Variants in DNASE1 observed in about 807,000 individuals in gnomAD.
The protein encoded by DNASE1 is deoxyribonuclease-1.
Under a neutral mutation model 33.9 loss-of-function variants are expected in DNASE1, and 40 were observed. The ratio of observed to expected loss-of-function variants is 1.18; its 90% CI spans 0.92 to 1.54. The LOEUF (loss-of-function observed/expected upper bound fraction) is 1.54, where lower values mean the gene tolerates loss of function less well. Ranked by LOEUF, DNASE1 falls within the 40% of genes most tolerant of loss-of-function variation. DNASE1 has a pLI of 0.00. For missense variants in DNASE1, 518 were observed against 372.6 expected (o/e 1.39, Z -3.21); for synonymous variants, 216 against 160.0 (o/e 1.35, Z -2.64).
intron 1 of DNASE1, among the ~76,000 whole-genome samples, chr16:3,627,402 T>C (rs1042943748): frequency 1.3e-5 from 2 of 151,558 alleles, no homozygotes. Flanking sequence ...GCCTCCCGAG[T>C]ATGGGACTAT....
chr16:3,630,406 C>G (rs1426353912), intron 1 of DNASE1, among the ~76,000 whole-genome samples: 1 of 151,774 alleles, frequency 6.6e-6, no homozygotes, highest in East Asian at 1.9e-4. Flanking sequence ...TGGCCTTGAA[C>G]TCCAAAGCTC....
At chr16:3,655,719 C>G in intron 2 of DNASE1, 130 bp from the exon 3 acceptor site, 2 of 1,408,152 alleles carry the variant, frequency 1.4e-6, no homozygotes, top group South Asian at 2.3e-5. Context: ...CAGCAGGAGC[C>G]CAGGCAGAAA....
Position 3,656,644 on chromosome 16 carries a change from C to T in DNASE1, c.327C>T (p.Asp109=), listed in dbSNP as rs1189594149. 1 of 1,611,094 alleles carries T rather than the reference C, an allele frequency of 6.2e-7. No individual in the cohort carries two copies. The highest frequency in any genetic ancestry group is 1.1e-5 in the South Asian group (1 of 90,456). The part of the protein sequence containing the change: ...KERYLFVYRP[D]QVSAVDSYYY... ...CTGCCCGGCCTTCCCGCAGGCCTGACCAGGTGTCTGCGGTGGACAGCTACT... is the reference window on the plus strand; with the variant it reads ...CTGCCCGGCCTTCCCGCAGGCCTGATCAGGTGTCTGCGGTGGACAGCTACT... Residue 109 remains aspartate, a synonymous_variant, in exon 5 of 9, where the codon GAC becomes GAT. Transcript: ENST00000246949.
upstream of DNASE1, among the ~76,000 whole-genome samples, chr16:3,639,614 T>C (rs2041972839): frequency 6.6e-6 from 1 of 152,220 alleles, no homozygotes; most frequent in Non-Finnish European, 1.5e-5. Context: ...GATTTCTCTT[T>C]TGTTCCCTCT....
chr16:3,626,198 C>T (rs949870401), intron 1 of DNASE1, among the ~76,000 whole-genome samples: 8 of 150,704 alleles, frequency 5.3e-5, no homozygotes, highest in Non-Finnish European at 8.9e-5. Context: ...CTAAAGAAAT[C>T]CTAAAAAAAA....
upstream of DNASE1, among the ~76,000 whole-genome samples, chr16:3,639,235 C>T (rs549363984): frequency 1.3e-4 from 20 of 152,300 alleles, no homozygotes; most frequent in Non-Finnish European, 1.9e-4. Context: ...CAGTGGAAAG[C>T]GTTGAGAGGA....
intron 1 of DNASE1, among the ~76,000 whole-genome samples, chr16:3,643,223 A>G (rs1355312796): frequency 1.3e-5 from 2 of 152,240 alleles, no homozygotes; most frequent in Non-Finnish European, 2.9e-5. Flanking sequence ...CTGAGGGGCC[A>G]AGACCCCTGA....
At chr16:3,629,927 C>CT (rs1442685135) in intron 1 of DNASE1, among the ~76,000 whole-genome samples, 1 of 152,190 alleles carries the variant, frequency 6.6e-6, no homozygotes, top group Non-Finnish European at 1.5e-5. Context: ...GATTCTCCTG[C>CT]TTCAGCCTCC....
intron 1 of DNASE1, among the ~76,000 whole-genome samples, chr16:3,624,984 T>C (rs1445247062): frequency 1.3e-5 from 2 of 152,214 alleles, no homozygotes; most frequent in East Asian, 3.9e-4. Context: ...GTGTGAGCCA[T>C]CATGCCCAGC....
chr16:3,662,170 C>G, downstream of DNASE1: 1 of 1,588,064 alleles, frequency 6.3e-7, no homozygotes, highest in South Asian at 1.1e-5. Context: ...GATAGAGGTT[C>G]CCAATGTGAG....
At chr16:3,647,793 C>T (rs1207451328) in intron 1 of DNASE1, among the ~76,000 whole-genome samples, 4 of 151,984 alleles carry the variant, frequency 2.6e-5, no homozygotes, top group Non-Finnish European at 5.9e-5. Flanking sequence ...CACTTGAACC[C>T]AGGAGTTGGA....
chr16:3,626,744 T>C (rs1311682404), intron 1 of DNASE1, among the ~76,000 whole-genome samples: 1 of 152,270 alleles, frequency 6.6e-6, no homozygotes, highest in Non-Finnish European at 1.5e-5. Context: ...GATTTGTCTG[T>C]TCTTCATTTG....
At chr16:3,657,418 A>C in intron 7 of DNASE1, 77 bp downstream of exon 7, 1 of 1,563,472 alleles carries the variant, frequency 6.4e-7, no homozygotes, top group South Asian at 1.1e-5. Flanking sequence ...GGGCTTCAGA[A>C]GCCTCAAAGC....
At chr16:3,621,034 G>A (rs1157204941) in intron 1 of DNASE1, among the ~76,000 whole-genome samples, 1 of 151,882 alleles carries the variant, frequency 6.6e-6, no homozygotes, top group Admixed American at 6.6e-5. Context: ...TCCTGACCTC[G>A]TGATCCACCC....
upstream of DNASE1, among the ~76,000 whole-genome samples, chr16:3,638,620 G>T (rs945144634): frequency 1.3e-5 from 2 of 152,222 alleles, no homozygotes; most frequent in African/African-American, 4.8e-5. Context: ...TTACAGGCGT[G>T]AGCCACCACG....
At chr16:3,652,831 C>T (rs1160680137), upstream of DNASE1, 3 of 152,462 alleles carry the variant, frequency 2.0e-5, no homozygotes, top group South Asian at 6.2e-4. Context: ...GTTGAGGCCT[C>T]CTGCAGACCC....
Position 3,657,009 on chromosome 16 carries a change from G to T in DNASE1, c.447G>T (p.Glu149Asp). The T allele has an allele frequency of 6.2e-7, 1 of 1,613,680 alleles. No individual in the cohort carries two copies. ...TGGCTGTCTCCACAGAGGTCAGGGAGTTTGCCATTGTTCCCCTGCATGCGG... is the reference window on the plus strand; with the variant it reads ...TGGCTGTCTCCACAGAGGTCAGGGATTTTGCCATTGTTCCCCTGCATGCGG... ...RFFSRFTEVREFAIVPLHAAP... is the reference protein window; with the variant it reads ...RFFSRFTEVRDFAIVPLHAAP... The change falls in exon 6 of 9, where the codon GAG becomes GAT. Residue 149 changes from glutamate to aspartate, a missense_variant. Coordinates refer to ENST00000246949, the MANE Select transcript of DNASE1 (RefSeq NM_005223.4).
chr16:3,612,142 T>G (rs2040900976), intron 1 of DNASE1: 1 of 152,426 alleles, frequency 6.6e-6, no homozygotes. Context: ...AGCCAGGGCC[T>G]GGGGGAAAGG....
intron 1 of DNASE1, among the ~76,000 whole-genome samples, chr16:3,635,769 T>C (rs2041851599): frequency 6.6e-6 from 1 of 152,104 alleles, no homozygotes; most frequent in Non-Finnish European, 1.5e-5. Context: ...TTGAATAATT[T>C]CTCAAAGAAG....
Sources: allele counts gnomAD v4.1 joint callset (sites outside exome capture counted in the v4.1 genomes callset), GRCh38; gene constraint gnomAD v4.1.1; transcripts MANE v1.5; gene names NCBI Gene and HGNC (gene_info 2026-07-23, HGNC 2026-07-21).